Variants in AGO3 observed in about 807,000 individuals in gnomAD.
The protein encoded by AGO3 is protein argonaute-3.
AGO3 carries 16 observed loss-of-function variants against 105.5 expected under a neutral mutation model. The observed-to-expected ratio is 0.15, with a 90% CI of 0.10 to 0.23. The LOEUF is 0.23. AGO3 is among the 10% of genes least tolerant of loss of function. AGO3 has a pLI of 1.00. For synonymous variants in AGO3, 340 were observed against 367.3 expected, an observed-to-expected ratio of 0.93 and a Z score of 0.85; for missense variants, 534 against 1,088.0, an observed-to-expected ratio of 0.49 and a Z score of 7.16.
At chr1:35,935,672 T>G (rs1646134881) in intron 1 of AGO3, among the ~76,000 whole-genome samples, 1 of 152,248 alleles carries the variant, frequency 6.6e-6, no homozygotes, top group African/African-American at 2.4e-5. Context: ...GGAAAAACCC[T>G]GGCTCAGAGT....
chr1:35,965,395 C>T (rs1646753613), intron 2 of AGO3, among the ~76,000 whole-genome samples: 1 of 148,950 alleles, frequency 6.7e-6, no homozygotes, highest in Non-Finnish European at 1.5e-5. Context: ...GAGGCTGAGG[C>T]AGGAGAATTG....
In AGO3 at chr1:35,963,399, C is replaced by T. The variant is rs949683900; in HGVS notation, c.192-3556C>T. On this transcript the variant is annotated intron_variant, in intron 2 of 18. Coordinates refer to ENST00000373191, the MANE Select transcript of AGO3 (RefSeq NM_024852.4). The stretch of plus-strand genomic sequence containing the variant: ...TACCATAATAAATATACCACAGCAA[C>T]GTGAATAGGTTTTAAAACATCTAAT... Among the ~76,000 whole-genome samples the T allele has an allele frequency of 4.0e-5, 6 of 151,830 alleles. No individual in the cohort carries two copies. The East Asian group carries it at 9.7e-4, about 25-fold the overall frequency.
chr1:35,939,854 C>T (rs1646221185), intron 1 of AGO3, among the ~76,000 whole-genome samples: 1 of 152,026 alleles, frequency 6.6e-6, no homozygotes, highest in Non-Finnish European at 1.5e-5. Flanking sequence ...CACGTCCAAT[C>T]GCTTCTCTTC....
intron 11 of AGO3, among the ~76,000 whole-genome samples, chr1:36,016,958 C>G (rs915336259): frequency 1.3e-5 from 2 of 152,122 alleles, no homozygotes; most frequent in Non-Finnish European, 2.9e-5. Context: ...AAATTCCTCC[C>G]TTTTGGTTAG....
At chr1:36,012,476 A>G (rs2148817895) in intron 9 of AGO3, among the ~76,000 whole-genome samples, 1 of 152,276 alleles carries the variant, frequency 6.6e-6, no homozygotes, top group Admixed American at 6.5e-5. Context: ...ATGTATGGGA[A>G]TATATAAAAA....
At position 36,027,073 on chromosome 1, in the gene AGO3, G is replaced by C. The variant is rs1196738007; in HGVS notation, c.1407-41G>C. ...CCATTACTACTTTGTAGGAATTCAT[G>C]ACTAGACAAAGGTTTTATATTTAGT... On this transcript the variant is annotated intron_variant, in intron 11 of 18. Transcript: ENST00000373191. This position sits in a 1 kb window ranked among gnomAD's most constrained non-coding sequence, Gnocchi z 4.0. The C allele has an allele frequency of 6.4e-7, 1 of 1,562,906 alleles. No homozygotes were observed. Among genetic ancestry groups the C allele is most frequent in the Non-Finnish European group, 8.7e-7 (1 of 1,153,032 alleles).
At position 35,975,735 on chromosome 1, in the gene AGO3, G is replaced by C. The variant is rs114758472; in HGVS notation, c.658+2224G>C. Among the ~76,000 whole-genome samples the C allele has an allele frequency of 7.4e-3, 1,132 of 152,240 alleles. 10 individuals are homozygous for C. The highest frequency in any genetic ancestry group is 0.026 in the African/African-American group (1,072 of 41,562). ...TTTAGAAATTCCTTGTTTAGATCCA[G>C]TGAGTGGGAGAGGACAGATTGTTAT... On this transcript the variant is annotated intron_variant, in intron 5 of 18. Coordinates refer to ENST00000373191, the MANE Select transcript of AGO3 (RefSeq NM_024852.4).
chr1:35,968,118 G>C (rs140520940), intron 3 of AGO3, among the ~76,000 whole-genome samples: 1 of 152,098 alleles, frequency 6.6e-6, no homozygotes, highest in Admixed American at 6.5e-5. Flanking sequence ...CAGGAAGCAC[G>C]CAGTATGTAT....
intron 17 of AGO3, among the ~76,000 whole-genome samples, chr1:36,050,646 G>T (rs1642673622): frequency 6.6e-6 from 1 of 151,760 alleles, no homozygotes; most frequent in Admixed American, 6.6e-5. Context: ...ACAAAAATTA[G>T]CCGGGTGTGG....
chr1:35,943,991 TG>T (rs1451033025), intron 1 of AGO3, among the ~76,000 whole-genome samples: 2 of 152,258 alleles, frequency 1.3e-5, no homozygotes, highest in African/African-American at 2.4e-5. Flanking sequence ...AATATTTCAT[TG>T]TATGTATATA....
At chr1:35,944,072 T>C (rs745854453) in intron 1 of AGO3, among the ~76,000 whole-genome samples, 31 of 152,218 alleles carry the variant, frequency 2.0e-4, no homozygotes, top group Non-Finnish European at 3.8e-4. Flanking sequence ...CAATCAGTTC[T>C]TTCTGCTTTC....
chr1:36,006,474 C>A (rs1640339882), intron 6 of AGO3, among the ~76,000 whole-genome samples: 1 of 151,616 alleles, frequency 6.6e-6, no homozygotes, highest in African/African-American at 2.4e-5. Context: ...GCTTGGAGAA[C>A]CTTATTAATA....
intron 6 of AGO3, among the ~76,000 whole-genome samples, chr1:36,005,277 C>A (rs1640283631): frequency 3.3e-5 from 5 of 151,834 alleles, no homozygotes; most frequent in Admixed American, 2.6e-4. Context: ...TTGAATGAAG[C>A]ATTTAAGTTT....
chr1:35,967,197 C>G, intron 3 of AGO3, 122 bp downstream of exon 3: 1 of 1,304,690 alleles, frequency 7.7e-7, no homozygotes, highest in Non-Finnish European at 1.0e-6. Flanking sequence ...TTGTTTTTAA[C>G]TTTTTGTTTT....
chr1:36,009,411 C>A, intron 8 of AGO3, 64 bp from the exon 9 acceptor site: 2 of 1,491,968 alleles, frequency 1.3e-6, no homozygotes, highest in South Asian at 1.4e-5. Context: ...ATGTAATTGG[C>A]ACTAAGTAAG....
intron 11 of AGO3, among the ~76,000 whole-genome samples, chr1:36,014,400 T>C (rs1227729461): frequency 6.6e-6 from 1 of 151,662 alleles, no homozygotes; most frequent in African/African-American, 2.4e-5. Context: ...TCAGGTGATC[T>C]GCCCGCCTTG....
At chr1:36,033,698 G>A (rs1450468755) in intron 12 of AGO3, among the ~76,000 whole-genome samples, 1 of 151,840 alleles carries the variant, frequency 6.6e-6, no homozygotes, top group African/African-American at 2.4e-5. Flanking sequence ...TATAATGGCA[G>A]AGGAGAGGAA....
rs551914858 is a variant in AGO3, at chr1:35,949,016, T to G, written c.191+3153T>G. 2.0e-5 allele frequency among the ~76,000 whole-genome samples: 3 copies of G among 152,272 alleles called. No individual in the cohort carries two copies. In the East Asian group the frequency reaches 5.8e-4, roughly 29 times the overall value. On this transcript the variant is annotated intron_variant, in intron 2 of 18. Transcript: ENST00000373191. ...TGGTATGCAATGGCACGATCTCGGCTCATTGCAGCCTCCATCTCCTGGGTT... is the reference window on the plus strand; with the variant it reads ...TGGTATGCAATGGCACGATCTCGGCGCATTGCAGCCTCCATCTCCTGGGTT...
At chr1:35,960,158 T>C (rs1021194959) in intron 2 of AGO3, among the ~76,000 whole-genome samples, 5 of 152,186 alleles carry the variant, frequency 3.3e-5, no homozygotes, top group Non-Finnish European at 7.3e-5. Context: ...CCTTTGCTAC[T>C]ATAGCTGACT....
Sources: allele counts gnomAD v4.1 joint callset (sites outside exome capture counted in the v4.1 genomes callset), GRCh38; gene constraint gnomAD v4.1.1; non-coding constraint Gnocchi (gnomAD v3.1); transcripts MANE v1.5; gene names NCBI Gene and HGNC (gene_info 2026-07-23, HGNC 2026-07-21).